The following ATMIN variants were observed in gnomAD, a reference collection of about 807,000 sequenced individuals.
ATMIN encodes ATM INteracting protein.
A neutral mutation model predicts 49.2 loss-of-function variants in ATMIN; 24 were observed. That is an observed-to-expected ratio of 0.49 (90% confidence interval 0.35 to 0.69). ATMIN has a LOEUF of 0.69. Ranked by LOEUF, ATMIN falls within the 30% of genes least tolerant of loss-of-function variation. ATMIN has a pLI of 0.00. For synonymous variants in ATMIN, 450 were observed against 392.5 expected, an observed-to-expected ratio of 1.15 and a Z score of -1.73; for missense variants, 1,037 against 1,005.5, an observed-to-expected ratio of 1.03 and a Z score of -0.42.
intron 1 of ATMIN, 49 bp from the exon 2 acceptor site, chr16:81,041,307 T>C (rs1485907678): frequency 3.2e-6 from 5 of 1,567,910 alleles, no homozygotes; most frequent in African/African-American, 2.7e-5. Flanking sequence ...CTCCAGCCTG[T>C]TGTGTTGTTT....
At position 81,044,216 on chromosome 16, in the gene ATMIN, G is replaced by A. The variant is rs144895396; in HGVS notation, c.1718G>A (p.Ser573Asn). 6.2e-7 allele frequency: 1 copy of A among 1,614,130 alleles called. No individual in the cohort carries two copies. Among genetic ancestry groups the A allele is most frequent in the South Asian group, 1.1e-5 (1 of 91,080 alleles). ...ATTATAAATTTCAGTGCACAGAATA[G>A]TATGCTTCCTTCACAGAACATGACA... is the stretch of plus-strand genomic sequence containing the variant. ...APIINFSAQN[S>N]MLPSQNMTDN... The change falls in exon 4 of 4, where the codon AGT (serine) becomes AAT (asparagine). Residue 573 changes from serine to asparagine, a missense_variant. Physicochemically the swap from Ser to Asn is conservative, Grantham distance 46. Coordinates refer to ENST00000299575, the MANE Select transcript of ATMIN (RefSeq NM_015251.3).
chr16:81,044,072 A>G lies in ATMIN; in HGVS notation c.1574A>G (p.Tyr525Cys), dbSNP rs770879247. The G allele has an allele frequency of 1.1e-5, 18 of 1,614,076 alleles. No individual in the cohort carries two copies. In the East Asian group the frequency reaches 3.3e-4, roughly 30 times the overall value. Residue 525 changes from tyrosine (Y) to cysteine (C), a missense_variant, in exon 4 of 4, where the codon TAT (tyrosine) becomes TGT (cysteine). Physicochemically the swap from Tyr to Cys is radical, Grantham distance 194. Transcript: ENST00000299575. Reference protein sequence around the residue: ...GDIFESVHSSYNVATGNIISN... With the variant: ...GDIFESVHSSCNVATGNIISN... ...ATTTTTGAGAGTGTTCATTCATCAT[A>G]TAATGTTGCTACAGGTAACATTATA...
chr16:81,043,851 G>A lies in ATMIN; in HGVS notation c.1353G>A (p.Val451=), dbSNP rs776474718. 1 of 1,614,120 alleles carries A rather than the reference G, an allele frequency of 6.2e-7. No homozygotes were observed. Among genetic ancestry groups the A allele is most frequent in the Non-Finnish European group, 8.5e-7 (1 of 1,179,988 alleles). ...CTGATTTGTCGTTTGATTCTCAAGTGTCTCTTCCCATTAGTGTTCACACTC... is the reference window on the plus strand; with the variant it reads ...CTGATTTGTCGTTTGATTCTCAAGTATCTCTTCCCATTAGTGTTCACACTC... ...SQTDLSFDSQ[V]SLPISVHTQT... is the part of the protein sequence containing the mutation. Residue 451 remains valine (V), a synonymous_variant, in exon 4 of 4, where the codon GTG becomes GTA. Transcript: ENST00000299575.
Position 81,044,522 on chromosome 16 carries a change from A to T in ATMIN, c.2024A>T (p.Asp675Val), listed in dbSNP as rs1313000883. 6.2e-7 allele frequency: 1 copy of T among 1,613,950 alleles called. No homozygotes were observed. Among genetic ancestry groups the T allele is most frequent in the Non-Finnish European group, 8.5e-7 (1 of 1,180,028 alleles). ...TCACTGGACATAGAGACTCAAACGG[A>T]CTTCTTACTCGCAGATACCTCTGCT... ...LESLDIETQT[D>V]FLLADTSAQS... Residue 675 changes from aspartate to valine, a missense_variant, in exon 4 of 4, where the codon GAC becomes GTC. Asp to Val is a radical substitution (Grantham distance 152). Transcript: ENST00000299575.
intron 1 of ATMIN, among the ~76,000 whole-genome samples, chr16:81,038,580 A>G (rs922015804): frequency 6.6e-6 from 1 of 152,076 alleles, no homozygotes; most frequent in African/African-American, 2.4e-5. Flanking sequence ...TCTTCCTTTA[A>G]TGAAGGTTGT....
rs772001566 is a variant in ATMIN at position 81,044,933 on chromosome 16, A to G, written c.2435A>G (p.Gln812Arg). The change falls in exon 4 of 4, where the codon CAG becomes CGG. Residue 812 changes from glutamine to arginine, a missense_variant. Gln to Arg is a conservative substitution (Grantham distance 43). Transcript: ENST00000299575. Reference protein sequence around the residue: ...MESQFSSVETQTSAEPHTVSN... With the variant: ...MESQFSSVETRTSAEPHTVSN... ...TCTCAGTTCAGCTCTGTAGAAACCC[A>G]GACTTCTGCGGAACCACACACAGTC... 1.2e-6 allele frequency: 2 copies of G among 1,613,786 alleles called. No individual in the cohort carries two copies. Among genetic ancestry groups the G allele is most frequent in the African/African-American group, 2.7e-5 (2 of 74,914 alleles).
chr16:81,043,551 G>C lies in ATMIN; in HGVS notation c.1053G>C (p.Leu351=), dbSNP rs1242907124. The C allele has an allele frequency of 1.2e-6, 2 of 1,614,092 alleles. No individual in the cohort carries two copies. The highest frequency in any genetic ancestry group is 1.7e-6 in the Non-Finnish European group (2 of 1,180,028). ...VHLMPLSVGT[L]ILGLDSEACS... is the part of the protein sequence containing the mutation. Reference sequence around the variant, plus strand: ...TAATGCCCTTGTCAGTAGGAACCCTGATCCTCGGCCTAGATTCAGAGGCTT... The same window carrying C: ...TAATGCCCTTGTCAGTAGGAACCCTCATCCTCGGCCTAGATTCAGAGGCTT... Residue 351 remains leucine (L), a synonymous_variant, in exon 4 of 4, where the codon CTG becomes CTC. Transcript: ENST00000299575.
chr16:81,036,510 A>G (rs937124513), intron 1 of ATMIN, among the ~76,000 whole-genome samples: 4 of 152,086 alleles, frequency 2.6e-5, no homozygotes, highest in Non-Finnish European at 4.4e-5. Flanking sequence ...GGCTTTTTAC[A>G]CTTTTTTGCC....
At position 81,044,993 on chromosome 16, in the gene ATMIN, T is replaced by C. The variant is rs772240981; in HGVS notation, c.*23T>C. 1.9e-6 allele frequency: 3 copies of C among 1,597,486 alleles called. No individual in the cohort carries two copies. The highest frequency in any genetic ancestry group is 2.6e-6 in the Non-Finnish European group (3 of 1,170,160). ...TAAAACTAACGGTGGAGTCCATGTG[T>C]GAAATGGCATCTACCATTTCCTCTG... On this transcript the variant is annotated 3_prime_UTR_variant, in exon 4 of 4. Transcript: ENST00000299575.
Position 81,044,214 on chromosome 16 carries a change from T to C in ATMIN, c.1716T>C (p.Asn572=), listed in dbSNP as rs141081245. Residue 572 remains asparagine (N), a synonymous_variant, in exon 4 of 4, where the codon AAT becomes AAC. Transcript: ENST00000299575. Reference sequence around the variant, plus strand: ...CAATTATAAATTTCAGTGCACAGAATAGTATGCTTCCTTCACAGAACATGA... The same window carrying C: ...CAATTATAAATTTCAGTGCACAGAACAGTATGCTTCCTTCACAGAACATGA... ...SAPIINFSAQ[N]SMLPSQNMTD... 12 of 1,614,174 alleles carry C rather than the reference T, an allele frequency of 7.4e-6. No individual in the cohort carries two copies. In the South Asian group the frequency reaches 9.9e-5, roughly 13 times the overall value.
In ATMIN at chr16:81,043,372, CAG is replaced by C; in HGVS notation, c.876_877del (p.Lys293ValfsTer12). The C allele has an allele frequency of 6.2e-7, 1 of 1,614,102 alleles. No individual in the cohort carries two copies. Among genetic ancestry groups the C allele is most frequent in the Non-Finnish European group, 8.5e-7 (1 of 1,180,024 alleles). On this transcript the variant is annotated frameshift_variant, in exon 4 of 4. Transcript: ENST00000299575. LOFTEE classifies it high-confidence loss of function. ...QTLTTPPRYP[Q>X]KLLLPKPKVA... ...TCTTACAACACCACCGAGATATCCTCAGAAGTTGCTTTTACCAAAGCCCAAAG... is the reference window on the plus strand; with the variant it reads ...TCTTACAACACCACCGAGATATCCTCAAGTTGCTTTTACCAAAGCCCAAAG...
rs375938557 is a variant in ATMIN at position 81,036,065 on chromosome 16, G to C, written c.195G>C (p.Ala65=). Residue 65 remains alanine (A), a synonymous_variant, in exon 1 of 4, where the codon GCG becomes GCC. Coordinates refer to ENST00000299575, the MANE Select transcript of ATMIN (RefSeq NM_015251.3). ...AGCCCGCTGTCCCCGCGCCGCCGGC[G>C]GGGGAGCTGATCCAGCCGTCGGTGA... ...TQQPAVPAPP[A]GELIQPSVSE... is the part of the protein sequence containing the mutation. The C allele has an allele frequency of 6.1e-6, 8 of 1,301,370 alleles. No homozygotes were observed. The highest frequency in any genetic ancestry group is 7.9e-6 in the Non-Finnish European group (8 of 1,014,372). 80.6% of individuals were successfully genotyped at this position (1,301,370 alleles called of 1,614,324 possible). A position where few individuals can be genotyped will look rare whatever the true frequency, so the allele number is the denominator to read the frequency against.
At position 81,037,602 on chromosome 16, in the gene ATMIN, T is replaced by TCA. The variant is rs1970963959; in HGVS notation, c.336+1396_336+1397insCA. The TCA allele has an allele frequency of 2.8e-5, 19 of 671,860 alleles. 1 individual carries two copies. Among genetic ancestry groups the TCA allele is most frequent in the Admixed American group, 6.3e-5 (1 of 15,882 alleles). The allele number at this position is 671,860 out of a possible 1,614,324, so 41.6% of individuals were successfully genotyped here. ...TGTTGTTTTGTTTTCATACTAAATT[T>TCA]TAACTAAATCCTTTTCTTCCCTATT... On this transcript the variant is annotated intron_variant, in intron 1 of 3. Coordinates refer to ENST00000299575, the MANE Select transcript of ATMIN (RefSeq NM_015251.3).
intron 1 of ATMIN, among the ~76,000 whole-genome samples, chr16:81,038,383 A>G (rs538644732): frequency 6.6e-6 from 1 of 152,226 alleles, no homozygotes; most frequent in African/African-American, 2.4e-5. Context: ...CACCCGCCTC[A>G]GCCTCCTAAA....
chr16:81,038,916 C>T (rs1441683467), intron 1 of ATMIN, among the ~76,000 whole-genome samples: 2 of 152,208 alleles, frequency 1.3e-5, no homozygotes, highest in Non-Finnish European at 2.9e-5. Context: ...TTGCCTCAGC[C>T]TCCCGAGTAG....
At chr16:81,041,331 A>T in intron 1 of ATMIN, 25 bp from the exon 2 acceptor site, 1 of 1,587,932 alleles carries the variant, frequency 6.3e-7, no homozygotes, top group South Asian at 1.2e-5. Flanking sequence ...TGAAATAATA[A>T]TTTAAAGTAA....
At position 81,043,662 on chromosome 16, in the gene ATMIN, T is replaced by C. The variant is rs1971073242; in HGVS notation, c.1164T>C (p.Phe388=). ...EPISTGVQVN[F]GKSPSNPLQE... ...TAAGTACTGGTGTTCAAGTGAACTTTGGTAAAAGTCCATCTAATCCTTTAC... is the reference window on the plus strand; with the variant it reads ...TAAGTACTGGTGTTCAAGTGAACTTCGGTAAAAGTCCATCTAATCCTTTAC... Residue 388 remains phenylalanine (F), a synonymous_variant, in exon 4 of 4, where the codon TTT becomes TTC. Transcript: ENST00000299575. The C allele has an allele frequency of 2.5e-6, 4 of 1,614,240 alleles. No individual in the cohort carries two copies. In the African/African-American group the frequency reaches 4.0e-5, roughly 16 times the overall value.
chr16:81,044,240 C>G lies in ATMIN; in HGVS notation c.1742C>G (p.Thr581Arg). ...QNSMLPSQNM[T>R]DNQTQTIDLL... ...AGTATGCTTCCTTCACAGAACATGA[C>G]AGATAATCAGACCCAAACCATAGAT... is the stretch of plus-strand genomic sequence containing the variant. The change falls in exon 4 of 4, where the codon ACA becomes AGA. Residue 581 changes from threonine (T) to arginine (R), a missense_variant. Coordinates refer to ENST00000299575, the MANE Select transcript of ATMIN (RefSeq NM_015251.3). 1.2e-6 allele frequency: 2 copies of G among 1,614,090 alleles called. No homozygotes were observed. The highest frequency in any genetic ancestry group is 8.5e-7 in the Non-Finnish European group (1 of 1,180,002).
chr16:81,042,546 T>C lies in ATMIN; in HGVS notation c.662+66T>C. ...GGGAAGCATTTCAGATGAAACATCC[T>C]GGAGAGCCAGTGGTGTGGGGAGGAA... is the stretch of plus-strand genomic sequence containing the variant. On this transcript the variant is annotated intron_variant, in intron 3 of 3. Transcript: ENST00000299575. 7 of 1,515,074 alleles carry C rather than the reference T, an allele frequency of 4.6e-6. No homozygotes were observed. In the South Asian group the frequency reaches 8.1e-5, roughly 17 times the overall value. The allele number at this position is 1,515,074 out of a possible 1,614,324, so 93.9% of individuals were successfully genotyped here. A position where few individuals can be genotyped will look rare whatever the true frequency, so the allele number is the denominator to read the frequency against.
Sources: gnomAD v4.1 joint callset for allele counts (sites outside exome capture counted in the v4.1 genomes callset) on GRCh38, gnomAD v4.1.1 for gene constraint, MANE v1.5 for transcripts, NCBI Gene and HGNC (gene_info 2026-07-23, HGNC 2026-07-21) for gene names.